Variants in RNF150 observed in about 807,000 individuals in gnomAD.
RNF150 encodes ring finger protein 150.
In RNF150, 24 loss-of-function variants were observed where a neutral mutation model predicts 39.3. The ratio of observed to expected loss-of-function variants is 0.61; its 90% confidence interval spans 0.44 to 0.86. The LOEUF is 0.86. Ranked by LOEUF, RNF150 falls within the 40% of genes least tolerant of loss-of-function variation. The pLI, the probability that RNF150 is intolerant of heterozygous loss-of-function variation, is 0.00. For missense variants in RNF150, 502 were observed against 587.8 expected (o/e 0.85, Z 1.51); for synonymous variants, 255 against 227.3 (o/e 1.12, Z -1.10).
intron 6 of RNF150, among the ~76,000 whole-genome samples, chr4:140,879,375 T>C (rs1403234664): frequency 1.3e-5 from 2 of 151,964 alleles, no homozygotes; most frequent in Non-Finnish European, 2.9e-5. Context: ...ATGTGATATC[T>C]TTCCATTTAT....
intron 1 of RNF150, among the ~76,000 whole-genome samples, chr4:141,183,909 G>T (rs930033562): frequency 6.6e-6 from 1 of 152,136 alleles, no homozygotes; most frequent in African/African-American, 2.4e-5. Context: ...GTCTATCATT[G>T]ATGGGCATTT....
At position 141,071,395 on chromosome 4, in the gene RNF150, G is replaced by C. The variant is rs562549924; in HGVS notation, c.484+60930C>G. On this transcript the variant is annotated intron_variant, in intron 1 of 6. Coordinates refer to ENST00000515673, the MANE Select transcript of RNF150 (RefSeq NM_020724.2). ...CTTAAAGTATAATTAAAAAAAAATG[G>C]AATAAGAAAATTGGGTAGTATTTCC... is the stretch of plus-strand genomic sequence containing the variant. 7.3e-5 allele frequency among the ~76,000 whole-genome samples: 11 copies of C among 151,660 alleles called. 1 individual carries two copies. The South Asian group carries it at 1.0e-3, about 14-fold the overall frequency.
At position 140,993,591 on chromosome 4, in the gene RNF150, C is replaced by T. The variant is rs769508532; in HGVS notation, c.485-25718G>A. Among the ~76,000 whole-genome samples, 4 of 151,870 alleles carry T rather than the reference C, an allele frequency of 2.6e-5. No individual in the cohort carries two copies. The East Asian group carries it at 5.8e-4, about 22-fold the overall frequency. On this transcript the variant is annotated intron_variant, in intron 1 of 6. Transcript: ENST00000515673. ...AGGTCTTCCCTGATCATAGTGAAGGCCCCCGGCATGGCCAGCTGTTTATAT... is the reference window on the plus strand; with the variant it reads ...AGGTCTTCCCTGATCATAGTGAAGGTCCCCGGCATGGCCAGCTGTTTATAT...
chr4:141,208,079 A>G (rs13105932), intron 1 of RNF150, among the ~76,000 whole-genome samples: 70,851 of 152,148 alleles, frequency 0.47, 17,225 homozygotes, highest in East Asian at 0.8. Context: ...GCATCACAAT[A>G]AGTGATCATC....
At chr4:141,000,462 T>C (rs968963143) in intron 1 of RNF150, among the ~76,000 whole-genome samples, 6 of 152,224 alleles carry the variant, frequency 3.9e-5, no homozygotes, top group Non-Finnish European at 7.3e-5. Context: ...TCACATACTA[T>C]AGGTATACAA....
intron 6 of RNF150, among the ~76,000 whole-genome samples, chr4:140,877,510 A>G (rs1380289782): frequency 1.3e-5 from 2 of 152,210 alleles, no homozygotes; most frequent in African/African-American, 4.8e-5. Context: ...GCAACCGTAT[A>G]AAATTATCTA....
chr4:140,975,889 G>A (rs371331661), intron 1 of RNF150, among the ~76,000 whole-genome samples: 4 of 152,008 alleles, frequency 2.6e-5, no homozygotes, highest in African/African-American at 7.2e-5. Context: ...CTGAAGTTCC[G>A]GCCTTCTATG....
At chr4:141,052,534 C>A (rs1736816249) in intron 1 of RNF150, among the ~76,000 whole-genome samples, 2 of 152,070 alleles carry the variant, frequency 1.3e-5, no homozygotes, top group Admixed American at 1.3e-4. Context: ...CGCCACCATG[C>A]CCAGCTAATT....
intron 1 of RNF150, among the ~76,000 whole-genome samples, chr4:141,163,077 G>T (rs1727542270): frequency 6.6e-6 from 1 of 152,190 alleles, no homozygotes; most frequent in Non-Finnish European, 1.5e-5. Context: ...TGCCAGCACA[G>T]CAGTCTGAAG....
At chr4:141,197,947 T>C (rs1038168053) in intron 1 of RNF150, among the ~76,000 whole-genome samples, 5 of 151,960 alleles carry the variant, frequency 3.3e-5, no homozygotes, top group African/African-American at 1.2e-4. Flanking sequence ...AGTAAGTGCT[T>C]AGTTAAATAT....
chr4:141,051,142 C>T (rs1224437908), intron 1 of RNF150, among the ~76,000 whole-genome samples: 2 of 152,178 alleles, frequency 1.3e-5, no homozygotes, highest in Non-Finnish European at 2.9e-5. Context: ...TGTACCTTGG[C>T]CCCTTTTAGT....
intron 2 of RNF150, among the ~76,000 whole-genome samples, chr4:140,959,826 T>C (rs573080142): frequency 9.2e-5 from 14 of 152,104 alleles, no homozygotes; most frequent in African/African-American, 3.4e-4. Flanking sequence ...GAAACTAACA[T>C]AAAATGATAT....
intron 6 of RNF150, among the ~76,000 whole-genome samples, chr4:140,906,946 C>T (rs1730401381): frequency 6.6e-6 from 1 of 152,144 alleles, no homozygotes; most frequent in African/African-American, 2.4e-5. Flanking sequence ...CTTGAAAAAT[C>T]ACAGGAAGGT....
intron 1 of RNF150, among the ~76,000 whole-genome samples, chr4:141,098,122 T>G (rs975834542): frequency 7.9e-5 from 12 of 152,236 alleles, no homozygotes; most frequent in Non-Finnish European, 1.5e-4. Flanking sequence ...ACAGCCAATT[T>G]CCTGCCTTTG....
chr4:141,047,581 T>G (rs146644416), intron 1 of RNF150, among the ~76,000 whole-genome samples: 1 of 152,288 alleles, frequency 6.6e-6, no homozygotes, highest in Non-Finnish European at 1.5e-5. Context: ...AAATAAAAAT[T>G]TTTAAATATT....
At chr4:140,916,955 G>T (rs1218961644) in intron 5 of RNF150, among the ~76,000 whole-genome samples, 4 of 152,154 alleles carry the variant, frequency 2.6e-5, no homozygotes, top group African/African-American at 9.7e-5. Flanking sequence ...CTTCATAAGT[G>T]AAGGAGAAAT....
chr4:141,054,118 C>T (rs1239320346), intron 1 of RNF150, among the ~76,000 whole-genome samples: 1 of 152,128 alleles, frequency 6.6e-6, no homozygotes, highest in East Asian at 1.9e-4. Context: ...CGTAAGTCTA[C>T]AGATTTGCCT....
chr4:140,916,876 G>A (rs933768962), intron 5 of RNF150, among the ~76,000 whole-genome samples: 2 of 152,138 alleles, frequency 1.3e-5, no homozygotes, highest in South Asian at 2.1e-4. Flanking sequence ...GAAGAGAGTG[G>A]GAGCCAATAT....
intron 1 of RNF150, among the ~76,000 whole-genome samples, chr4:141,084,837 C>G (rs940925047): frequency 5.9e-5 from 9 of 152,162 alleles, no homozygotes; most frequent in Non-Finnish European, 1.0e-4. Context: ...CAAAGACATT[C>G]CTTATAATGT....
Sources: gnomAD v4.1 joint callset for allele counts (sites outside exome capture counted in the v4.1 genomes callset) on GRCh38, gnomAD v4.1.1 for gene constraint, MANE v1.5 for transcripts, NCBI Gene and HGNC (gene_info 2026-07-23, HGNC 2026-07-21) for gene names.